NEK3: variants seen among roughly 807,000 people sequenced by gnomAD.
The protein encoded by NEK3 is serine/threonine-protein kinase Nek3.
Under a neutral mutation model 66.0 loss-of-function variants are expected in NEK3, and 54 were observed. The observed-to-expected ratio is 0.82, with a 90% confidence interval of 0.66 to 1.03. NEK3 has a LOEUF of 1.03. NEK3 is among the 50% of genes least tolerant of loss of function. The probability of loss-of-function intolerance (pLI) is 0.00; values close to 1 mark genes in which losing one functional copy is unlikely to be tolerated. For missense variants in NEK3, 593 were observed against 603.0 expected, an observed-to-expected ratio of 0.98 and a Z score of 0.17; for synonymous variants, 200 against 206.2, an observed-to-expected ratio of 0.97 and a Z score of 0.26.
chr13:52,136,798 A>G lies in NEK3; in HGVS notation c.1030+2T>C, dbSNP rs751574105. The G allele has an allele frequency of 3.9e-6, 6 of 1,539,084 alleles. No homozygotes were observed. Among genetic ancestry groups the G allele is most frequent in the Non-Finnish European group, 5.3e-6 (6 of 1,136,970 alleles). On this transcript the variant is annotated splice_donor_variant, in intron 12 of 15. Coordinates refer to ENST00000610828, the MANE Select transcript of NEK3 (RefSeq NM_002498.3). LOFTEE classifies it high-confidence loss of function. ...GAAATGATTAGAATTTGAATAACTTACCTTTTTCTTCTCTGTTTACTCTTC... is the reference window on the plus strand; with the variant it reads ...GAAATGATTAGAATTTGAATAACTTGCCTTTTTCTTCTCTGTTTACTCTTC...
chr13:52,150,354 T>C (rs1472627815), intron 7 of NEK3, among the ~76,000 whole-genome samples: 2 of 152,168 alleles, frequency 1.3e-5, no homozygotes, highest in African/African-American at 4.8e-5. Context: ...GTAAAATATA[T>C]GTAGCCATTA....
At chr13:52,133,639 A>G in intron 15 of NEK3, 50 bp downstream of exon 15, 1 of 1,534,216 alleles carries the variant, frequency 6.5e-7, no homozygotes, top group South Asian at 1.2e-5. Flanking sequence ...ACACACACAC[A>G]CACACACCCC....
intron 1 of NEK3, among the ~76,000 whole-genome samples, chr13:52,158,743 C>T (rs1206618047): frequency 6.6e-6 from 1 of 152,180 alleles, no homozygotes; most frequent in Non-Finnish European, 1.5e-5. Context: ...AAGTGATTTG[C>T]AAATACCCAG....
rs1179650495 is a variant in NEK3 at position 52,156,243 on chromosome 13, C to T, written c.-52G>A. ...CACTCACGCAGTCACCATGGGCTCT[C>T]CCAAACTGCATTCAAAAGCAGAAAC... On this transcript the variant is annotated 5_prime_UTR_variant, in exon 2 of 16. Transcript: ENST00000610828. 3.8e-6 allele frequency: 4 copies of T among 1,057,348 alleles called. No individual in the cohort carries two copies. Among genetic ancestry groups the T allele is most frequent in the Non-Finnish European group, 5.6e-6 (4 of 709,258 alleles). 65.5% of individuals were successfully genotyped at this position (1,057,348 alleles called of 1,614,324 possible).
At chr13:52,142,351 A>T (rs1251151974) in intron 10 of NEK3, among the ~76,000 whole-genome samples, 1 of 150,348 alleles carries the variant, frequency 6.7e-6, no homozygotes, top group Non-Finnish European at 1.5e-5. Flanking sequence ...ATCTCGGCTC[A>T]CTGCAACCTC....
chr13:52,140,385 C>T (rs1956238366), intron 11 of NEK3, among the ~76,000 whole-genome samples: 1 of 151,974 alleles, frequency 6.6e-6, no homozygotes, highest in Non-Finnish European at 1.5e-5. Flanking sequence ...GAGATGGGTG[C>T]ATCACAAGGT....
At chr13:52,135,209 A>T (rs1956193190) in intron 14 of NEK3, among the ~76,000 whole-genome samples, 1 of 152,208 alleles carries the variant, frequency 6.6e-6, no homozygotes, top group Non-Finnish European at 1.5e-5. Context: ...CTGTAAAAAA[A>T]TTTAAAAATC....
At position 52,133,652 on chromosome 13, in the gene NEK3, A is replaced by ACCCCAGC. The variant is rs1158092792; in HGVS notation, c.1436+30_1436+36dup. ...ACACACACACACACACACACCCCCA[A>ACCCCAGC]CCCCAGCTACAGCTTTCTATGCATA... is the stretch of plus-strand genomic sequence containing the variant. On this transcript the variant is annotated intron_variant, in intron 15 of 15. Coordinates refer to ENST00000610828, the MANE Select transcript of NEK3 (RefSeq NM_002498.3). The ACCCCAGC allele has an allele frequency of 7.6e-6, 10 of 1,309,762 alleles. No individual in the cohort carries two copies. The East Asian group carries it at 2.8e-4, about 37-fold the overall frequency. 81.1% of individuals were successfully genotyped at this position (1,309,762 alleles called of 1,614,324 possible).
intron 11 of NEK3, among the ~76,000 whole-genome samples, chr13:52,140,214 C>CAAA (rs397851494): frequency 9.1e-5 from 7 of 76,804 alleles, no homozygotes; most frequent in African/African-American, 3.6e-4. Context: ...GACCCTATCT[C>CAAA]AAAAAAAAAA....
chr13:52,133,213 C>T lies in NEK3; in HGVS notation c.1450G>A (p.Glu484Lys). ...LDEEDTDFEE[E>K]DDNPDWVSEL... ...GACACCCAGTCGGGGTTGTCATCTTCCTCCTCAAAGTCCCTGTGAAAAAAC... is the reference window on the plus strand; with the variant it reads ...GACACCCAGTCGGGGTTGTCATCTTTCTCCTCAAAGTCCCTGTGAAAAAAC... Residue 484 changes from glutamate (E) to lysine (K), a missense_variant, in exon 16 of 16, where the codon GAA becomes AAA. Coordinates refer to ENST00000610828, the MANE Select transcript of NEK3 (RefSeq NM_002498.3). 1.9e-6 allele frequency: 3 copies of T among 1,607,370 alleles called. No homozygotes were observed. The highest frequency in any genetic ancestry group is 2.5e-6 in the Non-Finnish European group (3 of 1,177,008).
Position 52,151,159 on chromosome 13 carries a change from A to G in NEK3, c.535T>C (p.Tyr179His), listed in dbSNP as rs1484595426. 2 of 1,608,016 alleles carry G rather than the reference A, an allele frequency of 1.2e-6. No individual in the cohort carries two copies. The highest frequency in any genetic ancestry group is 1.7e-6 in the Non-Finnish European group (2 of 1,177,302). ...VPPEIWENLP[Y>H]NNKSDIWSLG... ...TGCAGCACTCACCTTTTATTGTTAT[A>G]AGGCAGGTTTTCCCAAATTTCTGGA... The change falls in exon 7 of 16, where the codon TAT (tyrosine) becomes CAT (histidine). Residue 179 changes from tyrosine (Y) to histidine (H), a missense_variant. Transcript: ENST00000610828.
At chr13:52,139,884 G>A (rs1386261004) in intron 11 of NEK3, among the ~76,000 whole-genome samples, 2 of 151,894 alleles carry the variant, frequency 1.3e-5, no homozygotes, top group African/African-American at 4.8e-5. Flanking sequence ...GGGTGGCAGA[G>A]GGAGATTCTG....
intron 4 of NEK3, 80 bp from the exon 5 acceptor site, chr13:52,152,772 T>C: frequency 1.2e-6 from 1 of 864,336 alleles, no homozygotes. Flanking sequence ...GAATCATCTC[T>C]AGGCCTTAGT....
intron 15 of NEK3, 138 bp downstream of exon 15, chr13:52,133,550 AT>A: frequency 8.5e-7 from 1 of 1,183,202 alleles, no homozygotes; most frequent in South Asian, 1.7e-5. Flanking sequence ...ATAAATATCC[AT>A]TTATGATGAA....
chr13:52,133,642 CACA>C, intron 15 of NEK3, 44 bp downstream of exon 15: 5 of 1,540,280 alleles, frequency 3.2e-6, no homozygotes, highest in Non-Finnish European at 3.5e-6. Flanking sequence ...CACACACACA[CACA>C]CCCCCAACCC....
Position 52,133,976 on chromosome 13 carries a change from T to C in NEK3, c.1310-161A>G, listed in dbSNP as rs188575499. The C allele has an allele frequency of 1.4e-5, 9 of 658,564 alleles. No individual in the cohort carries two copies. In the East Asian group the frequency reaches 2.6e-4, roughly 19 times the overall value. 40.8% of individuals were successfully genotyped at this position (658,564 alleles called of 1,614,324 possible). A position where few individuals can be genotyped will look rare whatever the true frequency, so the allele number is the denominator to read the frequency against. On this transcript the variant is annotated intron_variant, in intron 14 of 15. Transcript: ENST00000610828. ...ACATTACCCAACATGATTGTAGGCA[T>C]AAAACAGGCCCCTGAAGCAGAAGCA...
intron 7 of NEK3, among the ~76,000 whole-genome samples, chr13:52,149,135 G>A (rs1198979393): frequency 2.6e-5 from 4 of 151,626 alleles, no homozygotes; most frequent in Non-Finnish European, 1.5e-5. Flanking sequence ...TCCTGACCTC[G>A]TGATCCGCGC....
intron 2 of NEK3, among the ~76,000 whole-genome samples, chr13:52,155,039 A>G (rs1956381750): frequency 6.6e-6 from 1 of 151,876 alleles, no homozygotes; most frequent in Non-Finnish European, 1.5e-5. Context: ...ATCAGCACCA[A>G]CTGGGAACTT....
chr13:52,157,186 A>T (rs1956402761), intron 1 of NEK3: 1 of 152,348 alleles, frequency 6.6e-6, no homozygotes, highest in Middle Eastern at 3.4e-3. Context: ...CATATTAGAA[A>T]AAACATTCAC....
Sources: gnomAD v4.1 joint callset for allele counts (sites outside exome capture counted in the v4.1 genomes callset) on GRCh38, gnomAD v4.1.1 for gene constraint, MANE v1.5 for transcripts, NCBI Gene and HGNC (gene_info 2026-07-23, HGNC 2026-07-21) for gene names.